The following DNAJB12 variants were observed in gnomAD, a reference collection of about 807,000 sequenced individuals.
DNAJB12 encodes the protein dnaJ homolog subfamily B member 12.
A neutral mutation model predicts 40.6 loss-of-function variants in DNAJB12; 14 were observed. The ratio of observed to expected loss-of-function variants is 0.34; its 90% CI spans 0.23 to 0.54. The LOEUF is 0.54. Ranked by LOEUF, DNAJB12 falls within the 20% of genes least tolerant of loss-of-function variation. DNAJB12 has a pLI of 0.92. For synonymous variants in DNAJB12, 181 were observed against 199.5 expected (o/e 0.91, Z 0.78); for missense variants, 444 against 501.7 (o/e 0.89, Z 1.10).
In DNAJB12 at chr10:72,335,124, G is replaced by A; in HGVS notation, c.*31-507C>T. 1 of 989,370 alleles carries A rather than the reference G, an allele frequency of 1.0e-6. No individual in the cohort carries two copies. The highest frequency in any genetic ancestry group is 1.1e-4 in the East Asian group (1 of 8,888). 61.3% of individuals were successfully genotyped at this position (989,370 alleles called of 1,614,324 possible). ...GCCTGGGCAAGGCCGGATGCCTGTG[G>A]CTTCCAGGCTGCCAGGTGTGACGGC... On this transcript the variant is annotated intron_variant, in intron 8 of 8. Transcript: ENST00000444643. The surrounding 1 kb of genome is among the most constrained non-coding windows in gnomAD (Gnocchi z 4.4).
In DNAJB12 at chr10:72,334,582, T is replaced by G; in HGVS notation, c.*66A>C. 6.5e-7 allele frequency: 1 copy of G among 1,533,990 alleles called. No individual in the cohort carries two copies. The highest frequency in any genetic ancestry group is 8.7e-7 in the Non-Finnish European group (1 of 1,146,422). On this transcript the variant is annotated 3_prime_UTR_variant, in exon 9 of 9. Transcript: ENST00000444643. ...TATACAGTCCATCACCTTGGCTCAGTGCATGTCACCAAAAATTCTCCAGGG... is the reference window on the plus strand; with the variant it reads ...TATACAGTCCATCACCTTGGCTCAGGGCATGTCACCAAAAATTCTCCAGGG...
chr10:72,341,176 G>C lies in DNAJB12; in HGVS notation c.458-6C>G. 1.9e-6 allele frequency: 3 copies of C among 1,600,312 alleles called. No individual in the cohort carries two copies. Among genetic ancestry groups the C allele is most frequent in the South Asian group, 2.2e-5 (2 of 90,838 alleles). On this transcript the variant is annotated splice_polypyrimidine_tract_variant and splice_region_variant and intron_variant, in intron 3 of 8. Transcript: ENST00000444643. The stretch of plus-strand genomic sequence containing the variant: ...CGCATATGCTGTGCCAATGGCTGGA[G>C]AGGAGGAGGAAAGGTCAGGCCTGAG...
chr10:72,341,257 G>A, intron 3 of DNAJB12, 87 bp from the exon 4 acceptor site: 2 of 1,338,814 alleles, frequency 1.5e-6, no homozygotes, highest in Non-Finnish European at 2.1e-6. Flanking sequence ...CTTTTCTCAG[G>A]TACTCAAGCA....
chr10:72,347,534 A>C lies in DNAJB12; in HGVS notation c.134-2407T>G, dbSNP rs1861822029. 2.0e-5 allele frequency among the ~76,000 whole-genome samples: 3 copies of C among 152,260 alleles called. No homozygotes were observed. The South Asian group carries it at 6.2e-4, about 31-fold the overall frequency. ...GCTATTTTTCACATTTTTCTAATGCAAGTGGTTGGCCATGCCAAATGTCCT... is the reference window on the plus strand; with the variant it reads ...GCTATTTTTCACATTTTTCTAATGCCAGTGGTTGGCCATGCCAAATGTCCT... On this transcript the variant is annotated intron_variant, in intron 1 of 8. Transcript: ENST00000444643.
chr10:72,338,966 TA>T (rs1490747254), intron 5 of DNAJB12, among the ~76,000 whole-genome samples: 3 of 151,782 alleles, frequency 2.0e-5, no homozygotes, highest in African/African-American at 4.8e-5. Flanking sequence ...AGATACAAAA[TA>T]AAAAAATTTT....
intron 7 of DNAJB12, among the ~76,000 whole-genome samples, 183 bp from the exon 8 acceptor site, chr10:72,336,114 C>T (rs974927168): frequency 2.2e-4 from 34 of 152,186 alleles, no homozygotes; most frequent in African/African-American, 8.0e-4. Flanking sequence ...GCGAGGGTGA[C>T]AGAGGCGCCT....
chr10:72,334,869 A>C, intron 8 of DNAJB12: 1 of 1,311,866 alleles, frequency 7.6e-7, no homozygotes, highest in East Asian at 3.2e-5. Flanking sequence ...GGGCACCCAC[A>C]CAGAGAAGAA....
intron 1 of DNAJB12, chr10:72,354,401 AGGCCGGCGACT>A (rs1258104160): frequency 4.3e-6 from 1 of 230,644 alleles, no homozygotes; most frequent in African/African-American, 2.3e-5. Context: ...AATATTTCCC[AGGCCGGCGACT>A]GGCCTGGGCT....
rs762487088 is a variant in DNAJB12, at chr10:72,343,396, G to C, written c.427C>G (p.His143Asp). 1.2e-6 allele frequency: 2 copies of C among 1,614,010 alleles called. No individual in the cohort carries two copies. The change falls in exon 3 of 9, where the codon CAC (histidine) becomes GAC (aspartate). Residue 143 changes from histidine (H) to aspartate (D), a missense_variant. Physicochemically the swap from His to Asp is moderately conservative, Grantham distance 81. Coordinates refer to ENST00000444643, the MANE Select transcript of DNAJB12 (RefSeq NM_017626.7). ...AAGGCTTCAGTGGCACCAGGTGCGT[G>C]GTTCTTGTCTGGGTGGAATTTGAGG... ...LALKFHPDKN[H>D]APGATEAFKA...
At chr10:72,340,326 G>C in intron 5 of DNAJB12, among the ~76,000 whole-genome samples, 1 of 151,670 alleles carries the variant, frequency 6.6e-6, no homozygotes, top group Non-Finnish European at 1.5e-5. Context: ...CTGGGCGAGA[G>C]AGCAAGACTC....
intron 7 of DNAJB12, 111 bp from the exon 8 acceptor site, chr10:72,336,042 G>T: frequency 7.2e-7 from 1 of 1,383,434 alleles, no homozygotes; most frequent in Non-Finnish European, 1.0e-6. Flanking sequence ...CCCGGGGCTT[G>T]GGCAGGGCTG....
chr10:72,337,691 G>C (rs1455162777), intron 6 of DNAJB12, among the ~76,000 whole-genome samples: 1 of 152,206 alleles, frequency 6.6e-6, no homozygotes, highest in East Asian at 1.9e-4. Context: ...TCTTAGTGGA[G>C]AAGCTGGGAT....
chr10:72,342,273 T>G (rs1270614969), intron 3 of DNAJB12, among the ~76,000 whole-genome samples: 1 of 152,168 alleles, frequency 6.6e-6, no homozygotes, highest in East Asian at 1.9e-4. Context: ...AGCTCTGACC[T>G]CCTCAGTCTC....
Position 72,336,628 on chromosome 10 carries a change from A to G in DNAJB12, c.902T>C (p.Phe301Ser). ...LGVVYYVGDT[F>S]SEEYTGSSLK... ...GCTGGAGCCTGTGTACTCTTCGGAGAAAGTGTCTCCCACATAGTAGACGAC... is the reference window on the plus strand; with the variant it reads ...GCTGGAGCCTGTGTACTCTTCGGAGGAAGTGTCTCCCACATAGTAGACGAC... Residue 301 changes from phenylalanine (F) to serine (S), a missense_variant, in exon 7 of 9, where the codon TTC (phenylalanine) becomes TCC (serine). Transcript: ENST00000444643. 1.2e-6 allele frequency: 2 copies of G among 1,614,120 alleles called. No homozygotes were observed. Among genetic ancestry groups the G allele is most frequent in the Non-Finnish European group, 8.5e-7 (1 of 1,179,992 alleles).
rs1861438035 is a variant in DNAJB12, at chr10:72,335,265, A to G, written c.*30+515T>C. On this transcript the variant is annotated intron_variant, in intron 8 of 8. Transcript: ENST00000444643. This position sits in a 1 kb window ranked among gnomAD's most constrained non-coding sequence, Gnocchi z 4.4. ...CGTGGCTGCCTGTTCATCTTGCTCC[A>G]TTTCCTCCTAGCTGGAGGGATGGAG... 1.0e-6 allele frequency: 1 copy of G among 986,374 alleles called. No homozygotes were observed. Among genetic ancestry groups the G allele is most frequent in the African/African-American group, 1.7e-5 (1 of 57,174 alleles). The allele number at this position is 986,374 out of a possible 1,614,324, so 61.1% of individuals were successfully genotyped here.
intron 1 of DNAJB12, among the ~76,000 whole-genome samples, chr10:72,347,967 T>G (rs1861839523): frequency 6.6e-6 from 1 of 150,580 alleles, no homozygotes; most frequent in Admixed American, 6.6e-5. Context: ...CTCACACCTG[T>G]AATCCCAGCA....
At position 72,340,944 on chromosome 10, in the gene DNAJB12, AC is replaced by A. The variant is rs576377084; in HGVS notation, c.643+40del. On this transcript the variant is annotated intron_variant, in intron 4 of 8. Coordinates refer to ENST00000444643, the MANE Select transcript of DNAJB12 (RefSeq NM_017626.7). The stretch of plus-strand genomic sequence containing the variant: ...AGGCTGGCATGCCATTCCCACCATC[AC>A]CCCAGGGATACCTGGCTGTGGGGAG... 7,694 of 1,608,710 alleles carry A rather than the reference AC, an allele frequency of 4.8e-3. 29 individuals are homozygous for A. Among genetic ancestry groups the A allele is most frequent in the Non-Finnish European group, 5.8e-3 (6,793 of 1,177,450 alleles).
chr10:72,344,710 C>T (rs1861733010), intron 2 of DNAJB12, among the ~76,000 whole-genome samples: 1 of 152,248 alleles, frequency 6.6e-6, no homozygotes, highest in Non-Finnish European at 1.5e-5. Context: ...CTTTTCCAGC[C>T]TCTGCTGTGG....
chr10:72,340,842 G>T lies in DNAJB12; in HGVS notation c.670C>A (p.Arg224Ser), dbSNP rs1179618570. 6.2e-7 allele frequency: 1 copy of T among 1,614,024 alleles called. No individual in the cohort carries two copies. Among genetic ancestry groups the T allele is most frequent in the African/African-American group, 1.3e-5 (1 of 74,930 alleles). The change falls in exon 5 of 9, where the codon CGC becomes AGC. Residue 224 changes from arginine (R) to serine (S), a missense_variant. Arg to Ser is a moderately radical substitution (Grantham distance 110). Transcript: ENST00000444643. The stretch of plus-strand genomic sequence containing the variant: ...CTTTGCTGGTAGGTATAGCGCATGC[G>T]GCCGTTGCTGTAGACGTGGACGTTA... The part of the protein sequence containing the change: ...SSNVHVYSNG[R>S]MRYTYQQRQD...
Sources: allele counts gnomAD v4.1 joint callset (sites outside exome capture counted in the v4.1 genomes callset), GRCh38; gene constraint gnomAD v4.1.1; non-coding constraint Gnocchi (gnomAD v3.1); transcripts MANE v1.5; gene names NCBI Gene and HGNC (gene_info 2026-07-23, HGNC 2026-07-21).